The following IFT56 variants were observed in gnomAD, a reference collection of about 807,000 sequenced individuals.
IFT56 encodes the protein intraflagellar transport protein 56.
chr7:139,177,939 A>G, the IFT56 span, among the ~76,000 whole-genome samples: 4 of 152,230 alleles, frequency 2.6e-5, no homozygotes, highest in African/African-American at 9.6e-5. Context: ...GCCCTGAAAA[A>G]TGACCTGGGT....
chr7:139,160,898 A>T, the IFT56 span: 1 of 1,408,152 alleles, frequency 7.1e-7, no homozygotes. Flanking sequence ...TATGTGGTAT[A>T]AGAACTATAC....
At chr7:139,189,254 A>C in the IFT56 span, 1 of 1,189,474 alleles carries the variant, frequency 8.4e-7, no homozygotes, top group Non-Finnish European at 1.2e-6. Flanking sequence ...GACAGTTCAG[A>C]GTTTATTTTA....
the IFT56 span, among the ~76,000 whole-genome samples, chr7:139,156,673 A>G: frequency 6.6e-6 from 1 of 152,150 alleles, no homozygotes; most frequent in African/African-American, 2.4e-5. Flanking sequence ...AGCAGAGGTC[A>G]AATTTTATTT....
At chr7:139,178,545 TTTAA>T in the IFT56 span, 6 of 1,614,192 alleles carry the variant, frequency 3.7e-6, no homozygotes, top group Non-Finnish European at 5.1e-6. Context: ...CATCTTTAAC[TTTAA>T]TTATGCCCAA....
the IFT56 span, among the ~76,000 whole-genome samples, chr7:139,144,843 C>A: frequency 6.6e-6 from 1 of 151,464 alleles, no homozygotes; most frequent in South Asian, 2.1e-4. Context: ...AATTTAATTT[C>A]TTAAATATAT....
the IFT56 span, among the ~76,000 whole-genome samples, chr7:139,169,629 C>T: frequency 6.6e-6 from 1 of 152,312 alleles, no homozygotes; most frequent in East Asian, 1.9e-4. Context: ...ACTGAGTTTT[C>T]AAGAGCTCTT....
At chr7:139,170,507 A>G in the IFT56 span, among the ~76,000 whole-genome samples, 1 of 152,242 alleles carries the variant, frequency 6.6e-6, no homozygotes, top group Non-Finnish European at 1.5e-5. Flanking sequence ...ATCATTCATC[A>G]TGACCAACTG....
At chr7:139,165,078 C>T in the IFT56 span, 10 of 1,421,378 alleles carry the variant, frequency 7.0e-6, no homozygotes, top group Non-Finnish European at 9.7e-6. Context: ...AACATTGTCA[C>T]CAATAAATAT....
chr7:139,165,321 T>A, the IFT56 span: 5 of 844,550 alleles, frequency 5.9e-6, no homozygotes, highest in Non-Finnish European at 7.3e-6. Context: ...CTTCACTTTT[T>A]AAATCCATAC....
the IFT56 span, chr7:139,191,804 G>A: frequency 6.6e-6 from 1 of 152,130 alleles, no homozygotes; most frequent in African/African-American, 2.4e-5. Flanking sequence ...GAGGAGAGAG[G>A]AAGACCCAGA....
the IFT56 span, among the ~76,000 whole-genome samples, chr7:139,187,100 CAAAAAAA>C: frequency 9.9e-4 from 51 of 51,624 alleles, no homozygotes; most frequent in Middle Eastern, 0.03. Context: ...GACTCCGTCT[CAAAAAAA>C]AAAAAAAAAA....
chr7:139,154,004 T>C, the IFT56 span, among the ~76,000 whole-genome samples: 1 of 152,192 alleles, frequency 6.6e-6, no homozygotes, highest in African/African-American at 2.4e-5. Flanking sequence ...ACAGTTGTTA[T>C]CATCTGACTT....
At chr7:139,169,482 AAG>A in the IFT56 span, 6 of 749,406 alleles carry the variant, frequency 8.0e-6, no homozygotes, top group Non-Finnish European at 6.7e-6. Flanking sequence ...GGTCAGAAAT[AAG>A]AGAGAATATT....
the IFT56 span, among the ~76,000 whole-genome samples, chr7:139,178,987 G>A: frequency 1.1e-4 from 16 of 152,146 alleles, no homozygotes; most frequent in South Asian, 6.2e-4. Context: ...GAAATATAAC[G>A]TATGTACAGA....
At chr7:139,140,946 G>A in the IFT56 span, among the ~76,000 whole-genome samples, 3 of 150,072 alleles carry the variant, frequency 2.0e-5, no homozygotes, top group African/African-American at 7.4e-5. Context: ...CATGGAACTT[G>A]AAGACTTTTT....
the IFT56 span, among the ~76,000 whole-genome samples, chr7:139,157,883 C>CTA: frequency 6.6e-6 from 1 of 151,938 alleles, no homozygotes; most frequent in Non-Finnish European, 1.5e-5. Context: ...TGATGTTTTT[C>CTA]TATATATATA....
the IFT56 span, among the ~76,000 whole-genome samples, chr7:139,179,275 CT>C: frequency 6.6e-6 from 1 of 152,216 alleles, no homozygotes; most frequent in Non-Finnish European, 1.5e-5. Flanking sequence ...TGAGGCTTGC[CT>C]TACTGACCTG....
At chr7:139,176,399 TATTTA>T in the IFT56 span, among the ~76,000 whole-genome samples, 1 of 152,142 alleles carries the variant, frequency 6.6e-6, no homozygotes, top group African/African-American at 2.4e-5. Context: ...ATTAAAACCA[TATTTA>T]ATTAAGTTTT....
chr7:139,150,288 C>T, the IFT56 span, among the ~76,000 whole-genome samples: 19 of 152,214 alleles, frequency 1.2e-4, no homozygotes, highest in African/African-American at 2.9e-4. Flanking sequence ...AGTTTTCACC[C>T]GTTAGTAAGA....
Sources: gnomAD v4.1 joint callset for allele counts (sites outside exome capture counted in the v4.1 genomes callset) on GRCh38, gnomAD v4.1.1 for gene constraint, MANE v1.5 for transcripts, NCBI Gene and HGNC (gene_info 2026-07-23, HGNC 2026-07-21) for gene names.